The following PGR variants were observed in gnomAD, a reference collection of about 807,000 sequenced individuals.
PGR encodes the protein progesterone receptor.
Under a neutral mutation model 76.1 loss-of-function variants are expected in PGR, and 25 were observed. The ratio of observed to expected loss-of-function variants is 0.33; its 90% CI spans 0.24 to 0.46. The LOEUF (loss-of-function observed/expected upper bound fraction) is 0.46. PGR is among the 20% of genes least tolerant of loss of function. PGR has a pLI of 1.00. For synonymous variants in PGR, 579 were observed against 535.0 expected (o/e 1.08, Z -1.14); for missense variants, 1,172 against 1,225.3 (o/e 0.96, Z 0.65).
At chr11:101,066,455 C>G (rs1469123751) in intron 3 of PGR, among the ~76,000 whole-genome samples, 1 of 152,272 alleles carries the variant, frequency 6.6e-6, no homozygotes, top group African/African-American at 2.4e-5. Context: ...CCTCAGACTT[C>G]TCTTAGATAT....
chr11:101,091,377 G>A (rs1386967504), intron 3 of PGR, among the ~76,000 whole-genome samples: 1 of 152,182 alleles, frequency 6.6e-6, no homozygotes. Context: ...TGAGCTGAAA[G>A]GAATGTTAAT....
intron 5 of PGR, chr11:101,050,875 C>G (rs750646297): frequency 6.2e-5 from 11 of 177,592 alleles, no homozygotes; most frequent in Non-Finnish European, 9.7e-5. Context: ...TATCTAAAAA[C>G]TGTAAAGACT....
In PGR at chr11:101,039,178, C is replaced by T. The variant is rs1176750638; in HGVS notation, c.2740G>A (p.Ala914Thr). The change falls in exon 8 of 8, where the codon GCT (alanine) becomes ACT (threonine). Residue 914 changes from alanine (A) to threonine (T), a missense_variant. By Grantham distance (58) the Ala-to-Thr change is moderately conservative. Transcript: ENST00000325455. Reference sequence around the variant, plus strand: ...GCCAATATCTTGGGTAATTGTGCAGCAATAACTTCAGACATCATTTCTGGA... The same window carrying T: ...GCCAATATCTTGGGTAATTGTGCAGTAATAACTTCAGACATCATTTCTGGA... ...EFPEMMSEVI[A>T]AQLPKILAGM... 1 of 1,611,674 alleles carries T rather than the reference C, an allele frequency of 6.2e-7. No individual in the cohort carries two copies.
At position 101,062,478 on chromosome 11, in the gene PGR, A is replaced by T. The variant is rs757135371; in HGVS notation, c.2181T>A (p.Leu727=). 1.2e-6 allele frequency: 2 copies of T among 1,613,844 alleles called. No individual in the cohort carries two copies. Among genetic ancestry groups the T allele is most frequent in the Non-Finnish European group, 1.7e-6 (2 of 1,179,860 alleles). Residue 727 remains leucine (L), a synonymous_variant, in exon 4 of 8, where the codon CTT becomes CTA. Transcript: ENST00000325455. ...ATGATTTAGACCACTTGACTACTGAAAGAAGTTGCCTCTCGCCTAGTTGAT... is the reference window on the plus strand; with the variant it reads ...ATGATTTAGACCACTTGACTACTGATAGAAGTTGCCTCTCGCCTAGTTGAT... ...SLNQLGERQL[L]SVVKWSKSLP...
rs1859495392 is a variant in PGR at position 101,035,909 on chromosome 11, A to T, written c.*3207T>A. The T allele has an allele frequency of 4.3e-6, 1 of 230,204 alleles. No individual in the cohort carries two copies. The highest frequency in any genetic ancestry group is 2.2e-5 in the African/African-American group (1 of 45,188). The allele number at this position is 230,204 out of a possible 1,614,324, so 14.3% of individuals were successfully genotyped here. On this transcript the variant is annotated 3_prime_UTR_variant, in exon 8 of 8. Transcript: ENST00000325455. ...GTTTGATAAAATTATAGCCAGAACT[A>T]TGGCTTAATGAAAACAAAATAGTAG...
In PGR at chr11:101,062,438, T is replaced by C; in HGVS notation, c.2212+9A>G. 1 of 1,601,750 alleles carries C rather than the reference T, an allele frequency of 6.2e-7. No individual in the cohort carries two copies. Among genetic ancestry groups the C allele is most frequent in the Non-Finnish European group, 8.6e-7 (1 of 1,168,976 alleles). ...TTTATTACATGCTGTATATAAAAAT[T>C]ATTATTACCTGGCAATGATTTAGAC... On this transcript the variant is annotated intron_variant, in intron 4 of 7. Coordinates refer to ENST00000325455, the MANE Select transcript of PGR (RefSeq NM_000926.4).
At chr11:101,061,357 T>C (rs1258341068) in intron 4 of PGR, among the ~76,000 whole-genome samples, 2 of 152,184 alleles carry the variant, frequency 1.3e-5, no homozygotes, top group African/African-American at 4.8e-5. Flanking sequence ...CTGAATTCTA[T>C]TAACTTTTCT....
chr11:101,058,694 C>A (rs144146518), intron 4 of PGR, among the ~76,000 whole-genome samples: 1 of 152,106 alleles, frequency 6.6e-6, no homozygotes, highest in African/African-American at 2.4e-5. Context: ...TTCACTGCAA[C>A]GTATTGATGT....
intron 3 of PGR, among the ~76,000 whole-genome samples, chr11:101,072,602 A>AC (rs1418554246): frequency 6.6e-6 from 1 of 152,200 alleles, no homozygotes; most frequent in African/African-American, 2.4e-5. Context: ...GCAGAGACAC[A>AC]ATATGCTCAA....
At chr11:101,042,204 T>C (rs1475718200) in intron 6 of PGR, 102 bp from the exon 7 acceptor site, 3 of 1,226,694 alleles carry the variant, frequency 2.4e-6, no homozygotes, top group African/African-American at 1.5e-5. Flanking sequence ...TTCTGATACA[T>C]GACTCTAGAA....
chr11:101,086,318 TG>T (rs138342561), intron 3 of PGR, among the ~76,000 whole-genome samples: 17,811 of 152,186 alleles, frequency 0.12, 1,352 homozygotes, highest in Non-Finnish European at 0.16. Flanking sequence ...ATTTACCACA[TG>T]AGAAGAATTA....
chr11:101,088,522 C>T (rs1454288268), intron 3 of PGR, among the ~76,000 whole-genome samples: 3 of 151,964 alleles, frequency 2.0e-5, no homozygotes, highest in East Asian at 1.9e-4. Flanking sequence ...TTAGTAGAGA[C>T]GGGGTTTCAC....
Position 101,126,130 on chromosome 11 carries a change from G to T in PGR, c.1666C>A (p.Gln556Lys). Residue 556 changes from glutamine (Q) to lysine (K), a missense_variant, in exon 2 of 8, where the codon CAA (glutamine) becomes AAA (lysine). Transcript: ENST00000325455. ...RPDSEASQSPQYSFESLPQKI... is the reference protein window; with the variant it reads ...RPDSEASQSPKYSFESLPQKI... The stretch of plus-strand genomic sequence containing the variant: ...TGAGGTAATGACTCGAAGCTGTATT[G>T]TGGGCTCTGGCTGGCTTCTGAATCC... 1 of 1,614,084 alleles carries T rather than the reference G, an allele frequency of 6.2e-7. No individual in the cohort carries two copies. The highest frequency in any genetic ancestry group is 8.5e-7 in the Non-Finnish European group (1 of 1,179,990).
At chr11:101,090,436 GA>G (rs1320958146) in intron 3 of PGR, among the ~76,000 whole-genome samples, 1 of 152,232 alleles carries the variant, frequency 6.6e-6, no homozygotes, top group African/African-American at 2.4e-5. Flanking sequence ...ATGCCAAGGA[GA>G]AAACAATGGC....
intron 2 of PGR, among the ~76,000 whole-genome samples, chr11:101,110,852 A>G (rs1207936110): frequency 6.6e-6 from 1 of 152,134 alleles, no homozygotes; most frequent in African/African-American, 2.4e-5. Context: ...AGCAATCACT[A>G]CCTCGATAAG....
At position 101,092,060 on chromosome 11, in the gene PGR, T is replaced by TA. The variant is rs1412039597; in HGVS notation, c.1790-185dup. On this transcript the variant is annotated intron_variant, in intron 2 of 7. Coordinates refer to ENST00000325455, the MANE Select transcript of PGR (RefSeq NM_000926.4). ...CTGCTCAGTACTTTACCTGTGCCTTTAGGAGCCTAAATTAGGTGAGCATAG... is the reference window on the plus strand; with the variant it reads ...CTGCTCAGTACTTTACCTGTGCCTTTAAGGAGCCTAAATTAGGTGAGCATAG... Among the ~76,000 whole-genome samples, 3 of 152,350 alleles carry TA rather than the reference T, an allele frequency of 2.0e-5. No homozygotes were observed. In the East Asian group the frequency reaches 5.8e-4, roughly 29 times the overall value.
chr11:101,045,977 C>T (rs1382909275), intron 6 of PGR, among the ~76,000 whole-genome samples: 1 of 152,010 alleles, frequency 6.6e-6, no homozygotes, highest in Non-Finnish European at 1.5e-5. Flanking sequence ...GCAGTCATTT[C>T]AAACTTTCAC....
Position 101,032,770 on chromosome 11 carries a change from A to G in PGR, c.*6346T>C, listed in dbSNP as rs1376985696. Reference sequence around the variant, plus strand: ...CTCCAGCATAAGCATTCACAGTACAATATTGTAGCTATCTGTTTACCTGTC... The same window carrying G: ...CTCCAGCATAAGCATTCACAGTACAGTATTGTAGCTATCTGTTTACCTGTC... On this transcript the variant is annotated 3_prime_UTR_variant, in exon 8 of 8. Transcript: ENST00000325455. 2 of 197,492 alleles carry G rather than the reference A, an allele frequency of 1.0e-5. No individual in the cohort carries two copies. Among genetic ancestry groups the G allele is most frequent in the African/African-American group, 4.6e-5 (2 of 43,386 alleles). The allele number at this position is 197,492 out of a possible 1,614,324, so 12.2% of individuals were successfully genotyped here. A position where few individuals can be genotyped will look rare whatever the true frequency, so the allele number is the denominator to read the frequency against.
chr11:101,081,405 T>C (rs1303927413), intron 3 of PGR, among the ~76,000 whole-genome samples: 1 of 151,018 alleles, frequency 6.6e-6, no homozygotes, highest in Non-Finnish European at 1.5e-5. Flanking sequence ...CTCCAGCCTG[T>C]GTGACACAGT....
Sources: gnomAD v4.1 joint callset for allele counts (sites outside exome capture counted in the v4.1 genomes callset) on GRCh38, gnomAD v4.1.1 for gene constraint, MANE v1.5 for transcripts, NCBI Gene and HGNC (gene_info 2026-07-23, HGNC 2026-07-21) for gene names.